The following CTNNA1 variants were observed in gnomAD, a reference collection of about 807,000 sequenced individuals.
CTNNA1 encodes catenin alpha-1.
Under a neutral mutation model 98.4 loss-of-function variants are expected in CTNNA1, and 37 were observed. That is an observed-to-expected ratio of 0.38 (90% CI 0.29 to 0.49). CTNNA1 has a LOEUF of 0.49. CTNNA1 is among the 20% of genes least tolerant of loss of function. The pLI is 0.95. For synonymous variants in CTNNA1, 404 were observed against 413.2 expected (o/e 0.98, Z 0.27); for missense variants, 761 against 1,147.2 (o/e 0.66, Z 4.86).
intron 16 of CTNNA1, chr5:138,931,840 TG>T (rs1374335621): frequency 8.8e-5 from 87 of 985,426 alleles, no homozygotes; most frequent in Non-Finnish European, 1.0e-4. Context: ...CCACTCTCTG[TG>T]GTGTACTTTG....
intron 9 of CTNNA1, among the ~76,000 whole-genome samples, chr5:138,894,064 C>T (rs1756139073): frequency 6.6e-6 from 1 of 151,568 alleles, no homozygotes; most frequent in Admixed American, 6.6e-5. Context: ...ATTACAGGCA[C>T]CCACCACCCT....
At chr5:138,926,692 C>T (rs1388943567) in intron 13 of CTNNA1, among the ~76,000 whole-genome samples, 2 of 152,144 alleles carry the variant, frequency 1.3e-5, no homozygotes, top group South Asian at 4.1e-4. Flanking sequence ...CTGTACCTTT[C>T]CCCAAGCCTA....
rs571020225 is a variant in CTNNA1, at chr5:138,926,585, C to T, written c.1899+1178C>T. Among the ~76,000 whole-genome samples the T allele has an allele frequency of 2.6e-5, 4 of 152,294 alleles. No homozygotes were observed. In the South Asian group the frequency reaches 8.3e-4, roughly 32 times the overall value. Reference sequence around the variant, plus strand: ...ATCCCATGTCTGTGTGCTCTACCTTCCTCCTAGCACCATGGGCATTGCTCT... The same window carrying T: ...ATCCCATGTCTGTGTGCTCTACCTTTCTCCTAGCACCATGGGCATTGCTCT... On this transcript the variant is annotated intron_variant, in intron 13 of 17. Transcript: ENST00000302763.
intron 1 of CTNNA1, among the ~76,000 whole-genome samples, chr5:138,767,485 C>CG (rs1561502305): frequency 6.6e-6 from 1 of 152,202 alleles, no homozygotes; most frequent in African/African-American, 2.4e-5. Flanking sequence ...TCAAACAGTA[C>CG]GTCAGATACT....
intron 1 of CTNNA1, among the ~76,000 whole-genome samples, chr5:138,766,682 C>T (rs548270676): frequency 2.5e-4 from 38 of 151,676 alleles, no homozygotes; most frequent in South Asian, 1.5e-3. Context: ...CTTTGGTCAG[C>T]GGAGAAGGGG....
intron 9 of CTNNA1, among the ~76,000 whole-genome samples, chr5:138,893,688 A>G (rs1212135444): frequency 6.6e-6 from 1 of 151,886 alleles, no homozygotes; most frequent in African/African-American, 2.4e-5. Flanking sequence ...CAGTGGCGCA[A>G]TCTCGGCTCA....
intron 7 of CTNNA1, among the ~76,000 whole-genome samples, chr5:138,860,573 G>T (rs1257711097): frequency 1.3e-5 from 2 of 152,104 alleles, no homozygotes; most frequent in Non-Finnish European, 2.9e-5. Flanking sequence ...TCAGCTCGCT[G>T]CATCCTCTGC....
intron 5 of CTNNA1, among the ~76,000 whole-genome samples, chr5:138,821,642 A>G (rs1046761845): frequency 6.6e-6 from 1 of 152,200 alleles, no homozygotes. Context: ...GCTCTTGGTT[A>G]GAGGCAGTGT....
intron 1 of CTNNA1, among the ~76,000 whole-genome samples, chr5:138,769,877 G>C (rs181715258): frequency 6.6e-6 from 1 of 151,454 alleles, no homozygotes; most frequent in Non-Finnish European, 1.5e-5. Flanking sequence ...ACGGAGTTTC[G>C]GTCTTGTCGT....
chr5:138,899,392 A>G (rs773350825), intron 9 of CTNNA1, among the ~76,000 whole-genome samples: 74 of 152,232 alleles, frequency 4.9e-4, no homozygotes, highest in Non-Finnish European at 9.3e-4. Flanking sequence ...TCTGAACCAT[A>G]TACATAACAT....
At chr5:138,875,481 T>C in intron 7 of CTNNA1, 1 of 985,454 alleles carries the variant, frequency 1.0e-6, no homozygotes, top group African/African-American at 1.7e-5. Flanking sequence ...CAGGACCCCC[T>C]GATTACAATA....
At chr5:138,790,002 T>C (rs1756177955) in intron 3 of CTNNA1, among the ~76,000 whole-genome samples, 1 of 152,304 alleles carries the variant, frequency 6.6e-6, no homozygotes, top group East Asian at 1.9e-4. Context: ...ATCTGGGCAA[T>C]ACAGAATATG....
At chr5:138,796,828 T>C (rs1424450563) in intron 3 of CTNNA1, among the ~76,000 whole-genome samples, 1 of 152,362 alleles carries the variant, frequency 6.6e-6, no homozygotes, top group East Asian at 1.9e-4. Context: ...TTCAGGTGGA[T>C]GTCTTTAAAA....
chr5:138,810,752 T>C (rs1189530339), intron 4 of CTNNA1, among the ~76,000 whole-genome samples: 2 of 152,196 alleles, frequency 1.3e-5, no homozygotes, highest in Non-Finnish European at 2.9e-5. Flanking sequence ...CCCCCCTTTC[T>C]ATTCCACAAA....
At chr5:138,932,512 A>G in intron 16 of CTNNA1, 66 bp from the exon 17 acceptor site, 3 of 1,584,864 alleles carry the variant, frequency 1.9e-6, no homozygotes, top group Non-Finnish European at 1.7e-6. Context: ...TTTCAGAAAC[A>G]GCCGTGGGGT....
intron 3 of CTNNA1, among the ~76,000 whole-genome samples, chr5:138,784,760 A>G (rs1385279268): frequency 1.3e-5 from 2 of 152,054 alleles, no homozygotes; most frequent in Non-Finnish European, 2.9e-5. Context: ...CCTCTTTCCT[A>G]GCTTCTGGTG....
intron 1 of CTNNA1, among the ~76,000 whole-genome samples, chr5:138,757,942 C>T (rs186195094): frequency 6.6e-6 from 1 of 152,228 alleles, no homozygotes; most frequent in Admixed American, 6.5e-5. Context: ...CCACCCAGAT[C>T]TAATCACTGA....
At chr5:138,802,133 T>C (rs1187989640) in intron 3 of CTNNA1, among the ~76,000 whole-genome samples, 4 of 152,216 alleles carry the variant, frequency 2.6e-5, no homozygotes, top group Admixed American at 6.5e-5. Context: ...TGCACCCTAA[T>C]GTAAATGACA....
At chr5:138,798,036 A>C (rs1757158119) in intron 3 of CTNNA1, among the ~76,000 whole-genome samples, 1 of 152,192 alleles carries the variant, frequency 6.6e-6, no homozygotes, top group African/African-American at 2.4e-5. Flanking sequence ...CAGCTTCAGC[A>C]TTTAAAATTA....
Sources: allele counts gnomAD v4.1 joint callset (sites outside exome capture counted in the v4.1 genomes callset), GRCh38; gene constraint gnomAD v4.1.1; transcripts MANE v1.5; gene names NCBI Gene and HGNC (gene_info 2026-07-23, HGNC 2026-07-21).